The following RNF40 variants were observed in gnomAD, a reference collection of about 807,000 sequenced individuals.
RNF40 encodes E3 ubiquitin-protein ligase BRE1B.
A neutral mutation model predicts 123.3 loss-of-function variants in RNF40; 39 were observed. That is an observed-to-expected ratio of 0.32 (90% confidence interval 0.24 to 0.41). The LOEUF is 0.41. RNF40 is among the 10% of genes least tolerant of loss of function. The pLI is 1.00. For synonymous variants in RNF40, 538 were observed against 526.0 expected (o/e 1.02, Z -0.31); for missense variants, 1,003 against 1,319.9 (o/e 0.76, Z 3.72).
Position 30,768,773 on chromosome 16 carries a change from G to A in RNF40, c.2097+37G>A, listed in dbSNP as rs1567286231. On this transcript the variant is annotated intron_variant, in intron 14 of 19. Coordinates refer to ENST00000324685, the MANE Select transcript of RNF40 (RefSeq NM_014771.4). This position sits in a 1 kb window ranked among gnomAD's most constrained non-coding sequence, Gnocchi z 4.1. ...TGGGGCTTGTGGGGCATTCAGAAAG[G>A]CAGAGCAGAGTCCTAGCTCAGCAGG... 1.9e-6 allele frequency: 3 copies of A among 1,613,898 alleles called. No homozygotes were observed. The highest frequency in any genetic ancestry group is 2.5e-6 in the Non-Finnish European group (3 of 1,179,976).
At chr16:30,767,128 C>T (rs926066181) in intron 11 of RNF40, among the ~76,000 whole-genome samples, 15 of 152,194 alleles carry the variant, frequency 9.9e-5, no homozygotes, top group East Asian at 1.9e-4. Context: ...GGTCTGATGA[C>T]GTCTCTGTCT....
chr16:30,774,382 A>C lies in RNF40; in HGVS notation c.*268A>C. On this transcript the variant is annotated 3_prime_UTR_variant, in exon 20 of 20. Coordinates refer to ENST00000324685, the MANE Select transcript of RNF40 (RefSeq NM_014771.4). ...TGCCTGAGAGGCCTGAGGAGCCCAG[A>C]GCACTTGACTGAGCTTCCCGGAAAC... 2.4e-6 allele frequency: 1 copy of C among 418,346 alleles called. No homozygotes were observed. Among genetic ancestry groups the C allele is most frequent in the Non-Finnish European group, 4.3e-6 (1 of 232,504 alleles). The allele number at this position is 418,346 out of a possible 1,614,324, so 25.9% of individuals were successfully genotyped here.
upstream of RNF40, chr16:30,762,277 T>TG (rs141812412): frequency 0.14 from 53,614 of 393,076 alleles, 1,583 homozygotes; most frequent in Non-Finnish European, 0.17. Flanking sequence ...TGCGCACCGT[T>TG]GGGGGGGGGG....
In RNF40 at chr16:30,775,126, T is replaced by C. The variant is rs1164036933; in HGVS notation, c.*1012T>C. On this transcript the variant is annotated 3_prime_UTR_variant, in exon 20 of 20. Coordinates refer to ENST00000324685, the MANE Select transcript of RNF40 (RefSeq NM_014771.4). The stretch of plus-strand genomic sequence containing the variant: ...GGGACCCGTTTGGACCCACAGCCTC[T>C]GTTCTAGAGATGCTTGTATAGGCTG... 1 of 438,590 alleles carries C rather than the reference T, an allele frequency of 2.3e-6. No homozygotes were observed. The highest frequency in any genetic ancestry group is 2.0e-5 in the African/African-American group (1 of 49,454). 27.2% of individuals were successfully genotyped at this position (438,590 alleles called of 1,614,324 possible). A position where few individuals can be genotyped will look rare whatever the true frequency, so the allele number is the denominator to read the frequency against.
chr16:30,772,148 A>C lies in RNF40; in HGVS notation c.2787A>C (p.Ala929=). The change falls in exon 19 of 20, where the codon GCA becomes GCC. Residue 929 remains alanine (A), a synonymous_variant. Transcript: ENST00000324685. The part of the protein sequence containing the change: ...LEKQRKVEVY[A]DADEILQEEI... ...AGCAGAGGAAGGTGGAGGTCTACGC[A>C]GATGCCGACGAAATCCTCCAGGAGG... The C allele has an allele frequency of 6.4e-7, 1 of 1,553,874 alleles. No homozygotes were observed. The highest frequency in any genetic ancestry group is 1.2e-5 in the South Asian group (1 of 84,292).
chr16:30,766,980 T>TC lies in RNF40; in HGVS notation c.1429+105dup, dbSNP rs767393142. The TC allele has an allele frequency of 4.9e-5, 69 of 1,398,694 alleles. No individual in the cohort carries two copies. Among genetic ancestry groups the TC allele is most frequent in the Non-Finnish European group, 6.1e-5 (64 of 1,042,836 alleles). 86.6% of individuals were successfully genotyped at this position (1,398,694 alleles called of 1,614,324 possible). A position where few individuals can be genotyped will look rare whatever the true frequency, so the allele number is the denominator to read the frequency against. ...ATGCAAGAGGCTAAGGCCTTTTTTT[T>TC]CACAGAGCCTCGGCTTCCTATGCAA... On this transcript the variant is annotated intron_variant, in intron 11 of 19. Coordinates refer to ENST00000324685, the MANE Select transcript of RNF40 (RefSeq NM_014771.4). The surrounding 1 kb of genome is among the most constrained non-coding windows in gnomAD (Gnocchi z 5.4).
At chr16:30,762,102 C>T (rs1375729555), upstream of RNF40, 1 of 371,214 alleles carries the variant, frequency 2.7e-6, no homozygotes. Context: ...AGTGGGAGCG[C>T]GGTGTCAGTT....
Position 30,768,288 on chromosome 16 carries a change from G to A in RNF40, c.1737G>A (p.Lys579=). The A allele has an allele frequency of 6.2e-7, 1 of 1,614,032 alleles. No individual in the cohort carries two copies. The highest frequency in any genetic ancestry group is 2.2e-5 in the East Asian group (1 of 44,882). Residue 579 remains lysine (K), a synonymous_variant, in exon 13 of 20, where the codon AAG becomes AAA. Transcript: ENST00000324685. This position sits in a 1 kb window ranked among gnomAD's most constrained non-coding sequence, Gnocchi z 4.1. ...CCACTACTACCACTTCAGTGAAGAA[G>A]GAGGAGCTGGTCCCCTCTGAAGAGG... ...GTTTTTTSVK[K]EELVPSEEDF... is the part of the protein sequence containing the mutation.
At chr16:30,764,660 G>T (rs1030522834) in intron 5 of RNF40, among the ~76,000 whole-genome samples, 1 of 152,204 alleles carries the variant, frequency 6.6e-6, no homozygotes, top group African/African-American at 2.4e-5. Context: ...GTGGGTTGCG[G>T]ATCCACAAGG....
chr16:30,774,944 A>G lies in RNF40; in HGVS notation c.*830A>G, dbSNP rs772039064. ...GGAACTTCCCAGGAGGGGAAGGGAC[A>G]GACCAGCCCCAGCCGCTGGGCCAAC... On this transcript the variant is annotated 3_prime_UTR_variant, in exon 20 of 20. Transcript: ENST00000324685. 5 of 456,388 alleles carry G rather than the reference A, an allele frequency of 1.1e-5. No homozygotes were observed. The East Asian group carries it at 3.5e-4, about 32-fold the overall frequency. The allele number at this position is 456,388 out of a possible 1,614,324, so 28.3% of individuals were successfully genotyped here.
At position 30,768,141 on chromosome 16, in the gene RNF40, C is replaced by G. The variant is rs775628740; in HGVS notation, c.1590C>G (p.Pro530=). The change falls in exon 13 of 20, where the codon CCC becomes CCG. Residue 530 remains proline, a synonymous_variant. Coordinates refer to ENST00000324685, the MANE Select transcript of RNF40 (RefSeq NM_014771.4). The surrounding 1 kb of genome is among the most constrained non-coding windows in gnomAD (Gnocchi z 4.1). ...CCAGTGGCTCTGCCCACTCCACCCC[C>G]AACCTGGGCCACCCAGAGGATTCTG... ...AQASGSAHST[P]NLGHPEDSGV... The G allele has an allele frequency of 1.7e-5, 28 of 1,607,442 alleles. No individual in the cohort carries two copies. Among genetic ancestry groups the G allele is most frequent in the Non-Finnish European group, 2.3e-5 (27 of 1,176,314 alleles).
intron 4 of RNF40, 131 bp downstream of exon 4, chr16:30,763,690 A>G: frequency 1.1e-6 from 1 of 939,580 alleles, no homozygotes; most frequent in Non-Finnish European, 1.6e-6. Context: ...ATGTTTGGGC[A>G]GTAAAGTGCA....
chr16:30,768,026 G>T lies in RNF40; in HGVS notation c.1551+11G>T. On this transcript the variant is annotated intron_variant, in intron 12 of 19. Transcript: ENST00000324685. This position sits in a 1 kb window ranked among gnomAD's most constrained non-coding sequence, Gnocchi z 4.1. Reference sequence around the variant, plus strand: ...GCTGAGATTGGCAAGGTGAGAAGGGGCCTGCCTGGGAAAAGGTTTGGCTAG... The same window carrying T: ...GCTGAGATTGGCAAGGTGAGAAGGGTCCTGCCTGGGAAAAGGTTTGGCTAG... 6.2e-7 allele frequency: 1 copy of T among 1,614,226 alleles called. No individual in the cohort carries two copies. The highest frequency in any genetic ancestry group is 1.7e-5 in the Admixed American group (1 of 60,034).
intron 6 of RNF40, 21 bp downstream of exon 6, chr16:30,765,080 G>T (rs200322503): frequency 6.2e-7 from 1 of 1,613,168 alleles, no homozygotes. Flanking sequence ...GGGGGCTTTG[G>T]GGGTGTGATT....
chr16:30,771,995 C>T, intron 18 of RNF40, 22 bp downstream of exon 18: 2 of 1,586,244 alleles, frequency 1.3e-6, no homozygotes, highest in African/African-American at 1.3e-5. Context: ...GGTGAGGGGC[C>T]AGGCCAGGGT....
In RNF40 at chr16:30,762,350, C is replaced by T. The variant is rs2053864061; in HGVS notation, c.-82C>T. 5.4e-6 allele frequency: 3 copies of T among 558,108 alleles called. No individual in the cohort carries two copies. Among genetic ancestry groups the T allele is most frequent in the Non-Finnish European group, 9.0e-6 (3 of 332,394 alleles). 34.6% of individuals were successfully genotyped at this position (558,108 alleles called of 1,614,324 possible). A position where few individuals can be genotyped will look rare whatever the true frequency, so the allele number is the denominator to read the frequency against. On this transcript the variant is annotated 5_prime_UTR_variant, in exon 1 of 20. Coordinates refer to ENST00000324685, the MANE Select transcript of RNF40 (RefSeq NM_014771.4). ...ATCCAAGATGGCGGCGCTAGGCTGA[C>T]CCTCCTGCTGGTGAGGGCTCTGGCG...
upstream of RNF40, chr16:30,761,769 C>T (rs2053826565): frequency 6.6e-7 from 1 of 1,505,512 alleles, no homozygotes; most frequent in Non-Finnish European, 8.9e-7. Context: ...TTCCGTGCCG[C>T]GAGGCGCCCC....
upstream of RNF40, chr16:30,762,311 T>A: frequency 2.0e-6 from 1 of 492,548 alleles, no homozygotes; most frequent in Non-Finnish European, 3.5e-6. Context: ...TGACGCCCAG[T>A]GACGTCCGGT....
intron 19 of RNF40, among the ~76,000 whole-genome samples, chr16:30,772,850 A>G (rs1213251466): frequency 6.6e-6 from 1 of 152,084 alleles, no homozygotes; most frequent in Non-Finnish European, 1.5e-5. Context: ...AGGCAGGGAA[A>G]TTGTTAAGGT....
Sources: allele counts gnomAD v4.1 joint callset (sites outside exome capture counted in the v4.1 genomes callset), GRCh38; gene constraint gnomAD v4.1.1; non-coding constraint Gnocchi (gnomAD v3.1); transcripts MANE v1.5; gene names NCBI Gene and HGNC (gene_info 2026-07-23, HGNC 2026-07-21).